CSMD3: variants seen among roughly 807,000 people sequenced by gnomAD.
The protein encoded by CSMD3 is CUB and Sushi multiple domains 3.
In CSMD3, 177 loss-of-function variants were observed where a neutral mutation model predicts 435.2. The observed-to-expected ratio is 0.41, with a 90% CI of 0.36 to 0.46. The LOEUF (loss-of-function observed/expected upper bound fraction) is 0.46. Ranked by LOEUF, CSMD3 falls within the 20% of genes least tolerant of loss-of-function variation. CSMD3 has a pLI of 0.34. For missense variants in CSMD3, 4,265 were observed against 4,504.6 expected (o/e 0.95, Z 1.52); for synonymous variants, 1,656 against 1,520.5 (o/e 1.09, Z -2.07).
At chr8:113,110,360 CTTCAACACT>C (rs1238029832) in intron 4 of CSMD3, among the ~76,000 whole-genome samples, 1 of 152,100 alleles carries the variant, frequency 6.6e-6, no homozygotes, top group Non-Finnish European at 1.5e-5. Flanking sequence ...CTTTCAACAC[CTTCAACACT>C]TTGCTTAGAA....
At chr8:113,030,091 A>G (rs1246188870) in intron 5 of CSMD3, among the ~76,000 whole-genome samples, 1 of 151,432 alleles carries the variant, frequency 6.6e-6, no homozygotes, top group Non-Finnish European at 1.5e-5. Flanking sequence ...AGACCTCTGC[A>G]AGGAAAACTA....
intron 4 of CSMD3, among the ~76,000 whole-genome samples, chr8:113,099,533 T>C (rs1450320766): frequency 6.6e-6 from 1 of 152,042 alleles, no homozygotes; most frequent in Non-Finnish European, 1.5e-5. Flanking sequence ...AGAGAAATAA[T>C]AGGGTAACTA....
At chr8:113,412,880 C>T (rs1407162310) in intron 1 of CSMD3, among the ~76,000 whole-genome samples, 1 of 152,056 alleles carries the variant, frequency 6.6e-6, no homozygotes, top group Non-Finnish European at 1.5e-5. Context: ...ACAAGACCTC[C>T]ATGCCTGGCC....
chr8:113,328,177 G>A (rs572087424), intron 1 of CSMD3, among the ~76,000 whole-genome samples: 153 of 152,094 alleles, frequency 1.0e-3, no homozygotes, highest in Non-Finnish European at 1.9e-3. Context: ...GGTGGCTCAC[G>A]CCTGTAATCC....
intron 1 of CSMD3, among the ~76,000 whole-genome samples, chr8:113,385,451 C>A (rs2094435337): frequency 6.6e-6 from 1 of 152,086 alleles, no homozygotes; most frequent in South Asian, 2.1e-4. Context: ...GAAAAATGAG[C>A]TCACTGAATC....
intron 9 of CSMD3, among the ~76,000 whole-genome samples, chr8:112,923,414 C>T (rs1292690257): frequency 1.3e-5 from 2 of 152,050 alleles, no homozygotes; most frequent in Non-Finnish European, 2.9e-5. Flanking sequence ...TTTCTCCTTC[C>T]ATGTCTGTTC....
At chr8:112,315,249 A>G (rs2130842656) in intron 47 of CSMD3, among the ~76,000 whole-genome samples, 1 of 151,990 alleles carries the variant, frequency 6.6e-6, no homozygotes, top group Non-Finnish European at 1.5e-5. Context: ...AATATAATAT[A>G]TGTATATATA....
At chr8:112,983,987 G>A (rs1445594139) in intron 6 of CSMD3, among the ~76,000 whole-genome samples, 1 of 151,874 alleles carries the variant, frequency 6.6e-6, no homozygotes, top group African/African-American at 2.4e-5. Flanking sequence ...TTGGTATTCT[G>A]TAGCAGCAAA....
chr8:112,245,306 G>A (rs917510249), intron 64 of CSMD3, among the ~76,000 whole-genome samples: 16 of 151,382 alleles, frequency 1.1e-4, no homozygotes, highest in South Asian at 8.3e-4. Flanking sequence ...TCCTTTCTCC[G>A]TCAGAGATAA....
rs752214980 is a variant in CSMD3 at position 112,954,775 on chromosome 8, C to G, written c.1343-14G>C. 2 of 1,344,556 alleles carry G rather than the reference C, an allele frequency of 1.5e-6. No homozygotes were observed. The highest frequency in any genetic ancestry group is 1.2e-5 in the South Asian group (1 of 85,220). The allele number at this position is 1,344,556 out of a possible 1,614,324, so 83.3% of individuals were successfully genotyped here. A position where few individuals can be genotyped will look rare whatever the true frequency, so the allele number is the denominator to read the frequency against. ...TGGCCTTTTTCACTAGTTAAGAAAA[C>G]AAACAAAAACATGTATCAGGAAATA... is the stretch of plus-strand genomic sequence containing the variant. On this transcript the variant is annotated splice_polypyrimidine_tract_variant and intron_variant, in intron 7 of 70. Transcript: ENST00000297405.
chr8:112,378,667 G>A (rs1279449326), intron 38 of CSMD3, among the ~76,000 whole-genome samples: 1 of 152,158 alleles, frequency 6.6e-6, no homozygotes, highest in Non-Finnish European at 1.5e-5. Flanking sequence ...TTGGAAGGCA[G>A]GGATGAAGAG....
chr8:113,287,970 CAA>C (rs1403669443), intron 2 of CSMD3, among the ~76,000 whole-genome samples: 1 of 151,700 alleles, frequency 6.6e-6, no homozygotes, highest in Non-Finnish European at 1.5e-5. Flanking sequence ...CTGAGAAATG[CAA>C]AAAGACTACC....
intron 32 of CSMD3, among the ~76,000 whole-genome samples, chr8:112,458,663 T>C (rs1296226853): frequency 2.0e-5 from 3 of 151,888 alleles, no homozygotes; most frequent in African/African-American, 4.8e-5. Context: ...ACAAAAAGAG[T>C]TGGAAATTGG....
chr8:113,046,863 T>C (rs2087858973), intron 5 of CSMD3, among the ~76,000 whole-genome samples: 1 of 152,102 alleles, frequency 6.6e-6, no homozygotes. Flanking sequence ...TCACAAAAGG[T>C]CTAGGGGCAG....
rs574583501 is a variant in CSMD3, at chr8:113,033,134, G to A, written c.918-13955C>T. Among the ~76,000 whole-genome samples, 3 of 151,770 alleles carry A rather than the reference G, an allele frequency of 2.0e-5. No homozygotes were observed. In the South Asian group the frequency reaches 6.3e-4, roughly 32 times the overall value. On this transcript the variant is annotated intron_variant, in intron 5 of 70. Coordinates refer to ENST00000297405, the MANE Select transcript of CSMD3 (RefSeq NM_198123.2). ...GAAGAACCTCTACTAGGGCAATGTA[G>A]AGGGGAAATGTGAGTTGGAGCTCTC...
intron 9 of CSMD3, among the ~76,000 whole-genome samples, chr8:112,941,303 TATTTTGAAGC>T (rs2083444297): frequency 1.3e-5 from 2 of 151,918 alleles, no homozygotes; most frequent in South Asian, 4.1e-4. Context: ...AGATTGGGAA[TATTTTGAAGC>T]ATTTTGAATG....
At chr8:113,181,723 T>C (rs1311313635) in intron 3 of CSMD3, among the ~76,000 whole-genome samples, 1 of 151,970 alleles carries the variant, frequency 6.6e-6, no homozygotes, top group East Asian at 1.9e-4. Flanking sequence ...TACCAGAATA[T>C]TACCAAAACC....
At chr8:112,816,726 G>C (rs1314832437) in intron 12 of CSMD3, among the ~76,000 whole-genome samples, 2 of 151,904 alleles carry the variant, frequency 1.3e-5, no homozygotes, top group Non-Finnish European at 2.9e-5. Context: ...TAAGAGCAAT[G>C]ATAGTCATCT....
chr8:113,031,612 T>A (rs551851680), intron 5 of CSMD3, among the ~76,000 whole-genome samples: 2 of 151,752 alleles, frequency 1.3e-5, no homozygotes, highest in South Asian at 4.2e-4. Context: ...TGTGATAAAG[T>A]GCACAGAATA....
Sources: gnomAD v4.1 joint callset for allele counts (sites outside exome capture counted in the v4.1 genomes callset) on GRCh38, gnomAD v4.1.1 for gene constraint, MANE v1.5 for transcripts, NCBI Gene and HGNC (gene_info 2026-07-23, HGNC 2026-07-21) for gene names.